The following MYL12A variants were observed in gnomAD, a reference collection of about 807,000 sequenced individuals.
The protein encoded by MYL12A is myosin light chain 12A.
In MYL12A, 11 loss-of-function variants were observed where a neutral mutation model predicts 13.3. That is an observed-to-expected ratio of 0.83 (90% CI 0.52 to 1.37). MYL12A has a LOEUF of 1.37. Among genes scored for constraint, MYL12A ranks in the 40% most tolerant of loss-of-function variants. The pLI, the probability that MYL12A is intolerant of heterozygous loss-of-function variation, is 0.00. For missense variants in MYL12A, 146 were observed against 212.3 expected (o/e 0.69, Z 1.94); for synonymous variants, 51 against 69.9 (o/e 0.73, Z 1.35).
chr18:3,254,047 A>G lies in MYL12A; in HGVS notation c.340A>G (p.Thr114Ala). ...NAFACFDEEA[T>A]GTIQEDYLRE... ...CTTTGCTTGCTTTGATGAAGAAGCAACTGGTAAGTGAGAGGTAACCTTTAA... is the reference window on the plus strand; with the variant it reads ...CTTTGCTTGCTTTGATGAAGAAGCAGCTGGTAAGTGAGAGGTAACCTTTAA... Residue 114 changes from threonine to alanine, a missense_variant, in exon 3 of 4, where the codon ACT becomes GCT. By Grantham distance (58) the Thr-to-Ala change is moderately conservative. Transcript: ENST00000217652. The G allele has an allele frequency of 6.2e-7, 1 of 1,612,100 alleles. No homozygotes were observed.
At chr18:3,253,149 A>C in intron 1 of MYL12A, 84 bp from the exon 2 acceptor site, 1 of 1,439,036 alleles carries the variant, frequency 6.9e-7, no homozygotes. Context: ...GGTTCTGTGT[A>C]CTTTTGTTAA....
Position 3,256,034 on chromosome 18 carries a change from C to A in MYL12A, c.*116C>A. 7.5e-7 allele frequency: 1 copy of A among 1,328,146 alleles called. No homozygotes were observed. The highest frequency in any genetic ancestry group is 1.0e-6 in the Non-Finnish European group (1 of 969,578). The allele number at this position is 1,328,146 out of a possible 1,614,324, so 82.3% of individuals were successfully genotyped here. A position where few individuals can be genotyped will look rare whatever the true frequency, so the allele number is the denominator to read the frequency against. ...CATTTCCTGTTGTATTTATTCTCAG[C>A]CATTTTGGGCATATGTATCTTTATA... On this transcript the variant is annotated 3_prime_UTR_variant, in exon 4 of 4. Transcript: ENST00000217652.
At chr18:3,247,653 G>A (rs2081441807), upstream of MYL12A, 1 of 152,256 alleles carries the variant, frequency 6.6e-6, no homozygotes, top group South Asian at 2.1e-4. Context: ...CTATATTCTA[G>A]GTCGCCCACT....
In MYL12A at chr18:3,255,835, G is replaced by A. The variant is rs981351230; in HGVS notation, c.433G>A (p.Ala145Thr). 1 of 1,614,112 alleles carries A rather than the reference G, an allele frequency of 6.2e-7. No individual in the cohort carries two copies. Among genetic ancestry groups the A allele is most frequent in the Non-Finnish European group, 8.5e-7 (1 of 1,180,016 alleles). The change falls in exon 4 of 4, where the codon GCA becomes ACA. Residue 145 changes from alanine to threonine, a missense_variant. Transcript: ENST00000217652. ...GGAAGTGGATGAGCTGTACAGAGAA[G>A]CACCTATTGATAAAAAGGGGAATTT... ...DEEVDELYRE[A>T]PIDKKGNFNY...
intron 1 of MYL12A, among the ~76,000 whole-genome samples, chr18:3,250,129 C>T (rs774810643): frequency 4.3e-4 from 66 of 152,070 alleles, no homozygotes; most frequent in Non-Finnish European, 8.4e-4. Flanking sequence ...TGTTAAATGA[C>T]GAGTTAATGG....
chr18:3,255,365 A>G (rs1278282490), intron 3 of MYL12A: 1 of 160,176 alleles, frequency 6.2e-6, no homozygotes, highest in Admixed American at 6.4e-5. Flanking sequence ...TTAGCCTGGC[A>G]GGTAAATGTT....
chr18:3,254,242 T>C (rs1056005840), intron 3 of MYL12A, among the ~76,000 whole-genome samples, 192 bp downstream of exon 3: 1 of 152,182 alleles, frequency 6.6e-6, no homozygotes, highest in East Asian at 1.9e-4. Context: ...AATGAATAGG[T>C]TGTATTTGAA....
intron 1 of MYL12A, chr18:3,252,332 T>C: frequency 6.5e-7 from 1 of 1,533,474 alleles, no homozygotes; most frequent in Non-Finnish European, 8.7e-7. Flanking sequence ...GATGGTATGG[T>C]AGAATTTTAT....
chr18:3,253,155 G>T (rs2081503270), intron 1 of MYL12A, 78 bp from the exon 2 acceptor site: 2 of 1,464,628 alleles, frequency 1.4e-6, no homozygotes, highest in Admixed American at 2.2e-5. Context: ...GTGTACTTTT[G>T]TTAATCATTG....
Position 3,255,935 on chromosome 18 carries a change from A to T in MYL12A, c.*17A>T. 1.2e-6 allele frequency: 2 copies of T among 1,612,094 alleles called. No individual in the cohort carries two copies. The highest frequency in any genetic ancestry group is 1.7e-6 in the Non-Finnish European group (2 of 1,179,016). ...GATGACTGAAATAACTTCAAATTCC[A>T]GCCAAACGTTCCTTGTTGCCACTTT... On this transcript the variant is annotated 3_prime_UTR_variant, in exon 4 of 4. Coordinates refer to ENST00000217652, the MANE Select transcript of MYL12A (RefSeq NM_006471.4).
At chr18:3,254,945 A>G (rs1397074476) in intron 3 of MYL12A, among the ~76,000 whole-genome samples, 3 of 152,220 alleles carry the variant, frequency 2.0e-5, no homozygotes, top group African/African-American at 7.2e-5. Context: ...CCACATGTGC[A>G]TGCCAGTTAT....
chr18:3,252,527 A>G (rs2081496235), intron 1 of MYL12A: 3 of 1,173,202 alleles, frequency 2.6e-6, no homozygotes, highest in Non-Finnish European at 3.4e-6. Flanking sequence ...GTTTTCTAAA[A>G]CTTTTAAAAT....
chr18:3,254,981 C>A (rs1357484663), intron 3 of MYL12A, among the ~76,000 whole-genome samples: 1 of 152,150 alleles, frequency 6.6e-6, no homozygotes, highest in Non-Finnish European at 1.5e-5. Context: ...AATACCAATA[C>A]CAGAAAATAA....
intron 1 of MYL12A, 82 bp from the exon 2 acceptor site, chr18:3,253,150 CT>C: frequency 1.4e-6 from 2 of 1,449,596 alleles, no homozygotes; most frequent in African/African-American, 1.4e-5. Context: ...GTTCTGTGTA[CT>C]TTTGTTAATC....
chr18:3,249,168 C>T (rs546899828), intron 1 of MYL12A, among the ~76,000 whole-genome samples: 9 of 152,248 alleles, frequency 5.9e-5, no homozygotes, highest in African/African-American at 2.2e-4. Context: ...AGGATTCTAA[C>T]CACAGAACTC....
At chr18:3,253,651 T>C in intron 2 of MYL12A, 2 of 679,064 alleles carry the variant, frequency 2.9e-6, no homozygotes, top group Non-Finnish European at 4.8e-6. Context: ...AAAACACTGA[T>C]CTTGATTATG....
chr18:3,255,977 T>C lies in MYL12A; in HGVS notation c.*59T>C. The C allele has an allele frequency of 6.3e-7, 1 of 1,580,570 alleles. No individual in the cohort carries two copies. The highest frequency in any genetic ancestry group is 2.3e-5 in the East Asian group (1 of 43,334). ...TGCCACTTTGGGTATTCTGAGATTT[T>C]CTCTTGCATGCCCTTAGCTTTACAG... On this transcript the variant is annotated 3_prime_UTR_variant, in exon 4 of 4. Coordinates refer to ENST00000217652, the MANE Select transcript of MYL12A (RefSeq NM_006471.4).
chr18:3,256,222 C>G lies in MYL12A; in HGVS notation c.*304C>G, dbSNP rs560470375. ...CGATTTTTTCTGAATCATAATTAAACTTTATGATAAAATACTTACTTGTTT... is the reference window on the plus strand; with the variant it reads ...CGATTTTTTCTGAATCATAATTAAAGTTTATGATAAAATACTTACTTGTTT... On this transcript the variant is annotated 3_prime_UTR_variant, in exon 4 of 4. Coordinates refer to ENST00000217652, the MANE Select transcript of MYL12A (RefSeq NM_006471.4). 6 of 266,914 alleles carry G rather than the reference C, an allele frequency of 2.2e-5. No individual in the cohort carries two copies. Among genetic ancestry groups the G allele is most frequent in the Non-Finnish European group, 4.2e-5 (6 of 142,742 alleles). 16.5% of individuals were successfully genotyped at this position (266,914 alleles called of 1,614,324 possible). A position where few individuals can be genotyped will look rare whatever the true frequency, so the allele number is the denominator to read the frequency against.
rs774436804 is a variant in MYL12A at position 3,254,023 on chromosome 18, TTTGC to T, written c.323_326del (p.Cys108LeufsTer14). The T allele has an allele frequency of 6.2e-7, 1 of 1,612,556 alleles. No homozygotes were observed. Among genetic ancestry groups the T allele is most frequent in the East Asian group, 2.2e-5 (1 of 44,862 alleles). On this transcript the variant is annotated frameshift_variant, in exon 3 of 4. Transcript: ENST00000217652. LOFTEE classifies it high-confidence loss of function. ...TCCTGAAGATGTCATCAGAAATGCC[TTTGC>T]TTGCTTTGATGAAGAAGCAACTGGT...
Sources: allele counts gnomAD v4.1 joint callset (sites outside exome capture counted in the v4.1 genomes callset), GRCh38; gene constraint gnomAD v4.1.1; transcripts MANE v1.5; gene names NCBI Gene and HGNC (gene_info 2026-07-23, HGNC 2026-07-21).